The following FAM149B1 variants were observed in gnomAD, a reference collection of about 807,000 sequenced individuals.
The protein encoded by FAM149B1 is primary cilium assembly protein FAM149B1.
In FAM149B1, 56 loss-of-function variants were observed where a neutral mutation model predicts 75.3. The observed-to-expected ratio is 0.74, with a 90% CI of 0.60 to 0.93. FAM149B1 has a LOEUF of 0.93. FAM149B1 is among the 40% of genes least tolerant of loss of function. The pLI, the probability that FAM149B1 is intolerant of heterozygous loss-of-function variation, is 0.00. For synonymous variants in FAM149B1, 259 were observed against 256.1 expected (o/e 1.01, Z -0.11); for missense variants, 639 against 708.4 (o/e 0.90, Z 1.11).
intron 7 of FAM149B1, among the ~76,000 whole-genome samples, chr10:73,214,725 G>A (rs1034264380): frequency 6.6e-6 from 1 of 152,090 alleles, no homozygotes; most frequent in African/African-American, 2.4e-5. Context: ...GAGGGTTCTT[G>A]TCCATATGTT....
intron 1 of FAM149B1, among the ~76,000 whole-genome samples, chr10:73,169,520 C>T (rs1843614111): frequency 2.7e-5 from 4 of 150,022 alleles, no homozygotes; most frequent in African/African-American, 9.9e-5. Flanking sequence ...GGCAGTAGTG[C>T]AATCCTTGCT....
intron 10 of FAM149B1, 103 bp from the exon 11 acceptor site, chr10:73,234,714 A>C: frequency 2.4e-6 from 3 of 1,243,932 alleles, no homozygotes; most frequent in Non-Finnish European, 3.3e-6. Flanking sequence ...CTTTCTGTGC[A>C]CATTAAACTC....
In FAM149B1 at chr10:73,243,487, G is replaced by T; in HGVS notation, c.*2468G>T. Reference sequence around the variant, plus strand: ...TTGCTTCCATCTGAGCCAGAAAATTGTCCATTTCCTTTTGCCGATCCTTTT... The same window carrying T: ...TTGCTTCCATCTGAGCCAGAAAATTTTCCATTTCCTTTTGCCGATCCTTTT... On this transcript the variant is annotated 3_prime_UTR_variant, in exon 14 of 14. Transcript: ENST00000242505. 1 of 1,614,052 alleles carries T rather than the reference G, an allele frequency of 6.2e-7. No individual in the cohort carries two copies. The highest frequency in any genetic ancestry group is 1.1e-5 in the South Asian group (1 of 91,076).
intron 5 of FAM149B1, chr10:73,200,320 G>C (rs2042903310): frequency 2.4e-6 from 1 of 417,474 alleles, no homozygotes; most frequent in Non-Finnish European, 4.7e-6. Flanking sequence ...TGGGTGACAA[G>C]AGCGAAACTA....
At chr10:73,219,101 A>G (rs2043354527) in intron 7 of FAM149B1, among the ~76,000 whole-genome samples, 1 of 152,188 alleles carries the variant, frequency 6.6e-6, no homozygotes, top group African/African-American at 2.4e-5. Flanking sequence ...GCTTCTCAAA[A>G]TTCTTCCAAC....
At chr10:73,240,397 AC>A (rs2043914300) in intron 13 of FAM149B1, among the ~76,000 whole-genome samples, 1 of 152,194 alleles carries the variant, frequency 6.6e-6, no homozygotes, top group Non-Finnish European at 1.5e-5. Flanking sequence ...CATTTGAGCT[AC>A]AATTTCAGCC....
intron 2 of FAM149B1, among the ~76,000 whole-genome samples, chr10:73,176,762 C>T (rs1843982004): frequency 6.6e-6 from 1 of 152,104 alleles, no homozygotes; most frequent in Non-Finnish European, 1.5e-5. Flanking sequence ...CACGGTGGCT[C>T]ATGCCTGTAG....
At chr10:73,175,948 G>A (rs1387880907) in intron 2 of FAM149B1, among the ~76,000 whole-genome samples, 1 of 152,142 alleles carries the variant, frequency 6.6e-6, no homozygotes, top group African/African-American at 2.4e-5. Flanking sequence ...TCCATGGACT[G>A]TGCAGTGGGG....
rs562499863 is a variant in FAM149B1 at position 73,178,717 on chromosome 10, C to G, written c.282+742C>G. Among the ~76,000 whole-genome samples the G allele has an allele frequency of 5.4e-4, 82 of 152,224 alleles. 1 individual carries two copies. Among genetic ancestry groups the G allele is most frequent in the East Asian group, 1.3e-3 (7 of 5,192 alleles). On this transcript the variant is annotated intron_variant, in intron 3 of 13. Transcript: ENST00000242505. Reference sequence around the variant, plus strand: ...GTTATAAATCATATGTGTAGTGTCACTCTAATTTTGTTTTATATAAATTCT... The same window carrying G: ...GTTATAAATCATATGTGTAGTGTCAGTCTAATTTTGTTTTATATAAATTCT...
chr10:73,243,409 T>C lies in FAM149B1; in HGVS notation c.*2390T>C, dbSNP rs61758428. The C allele has an allele frequency of 2.1e-5, 34 of 1,613,812 alleles. No homozygotes were observed. Among genetic ancestry groups the C allele is most frequent in the Non-Finnish European group, 2.6e-5 (31 of 1,179,944 alleles). On this transcript the variant is annotated 3_prime_UTR_variant, in exon 14 of 14. Transcript: ENST00000242505. ...GAAGAGAAAAATTCCATTATTTCTT[T>C]TCTTTCTTGAGAGCAGATTTTTTCC...
At position 73,177,115 on chromosome 10, in the gene FAM149B1, A is replaced by T. The variant is rs369218830; in HGVS notation, c.153-731A>T. On this transcript the variant is annotated intron_variant, in intron 2 of 13. Coordinates refer to ENST00000242505, the MANE Select transcript of FAM149B1 (RefSeq NM_173348.2). ...GCTACTTGGGAAGCTAAAGTGGGAG[A>T]ATCACTTGAACCCAGGAGGCGGAGG... Among the ~76,000 whole-genome samples, 44 of 152,188 alleles carry T rather than the reference A, an allele frequency of 2.9e-4. No homozygotes were observed. In the East Asian group the frequency reaches 3.1e-3, roughly 11 times the overall value.
At position 73,168,377 on chromosome 10, in the gene FAM149B1, GC is replaced by G; in HGVS notation, c.39del (p.Leu14TrpfsTer3). On this transcript the variant is annotated frameshift_variant, in exon 1 of 14. Coordinates refer to ENST00000242505, the MANE Select transcript of FAM149B1 (RefSeq NM_173348.2). LOFTEE classifies it high-confidence loss of function. ...TACACTCGGAAGGCGGTGCCACAGA[GC>G]TTGGAGCTGTGAGTGGACTGCTCAG... is the stretch of plus-strand genomic sequence containing the variant. The part of the protein sequence containing the change: ...SRYTRKAVPQ[S>X]LELKGITKHA... 1 of 1,550,008 alleles carries G rather than the reference GC, an allele frequency of 6.5e-7. No homozygotes were observed. Among genetic ancestry groups the G allele is most frequent in the South Asian group, 1.2e-5 (1 of 83,984 alleles).
rs1391857172 is a variant in FAM149B1, at chr10:73,243,628, T to TC, written c.*2609_*2610insC. ...GGAATAACTACTAATGGGTATGGAG[T>TC]TTTTTTGGAATGGTGAAAATGTCCT... On this transcript the variant is annotated 3_prime_UTR_variant, in exon 14 of 14. Coordinates refer to ENST00000242505, the MANE Select transcript of FAM149B1 (RefSeq NM_173348.2). 1.9e-5 allele frequency: 27 copies of TC among 1,415,590 alleles called. No individual in the cohort carries two copies. Among genetic ancestry groups the TC allele is most frequent in the African/African-American group, 2.9e-5 (2 of 69,216 alleles). 87.7% of individuals were successfully genotyped at this position (1,415,590 alleles called of 1,614,324 possible).
intron 5 of FAM149B1, among the ~76,000 whole-genome samples, chr10:73,201,899 T>C (rs895064098): frequency 1.3e-5 from 2 of 151,692 alleles, no homozygotes; most frequent in Non-Finnish European, 2.9e-5. Flanking sequence ...GAGCGATGGC[T>C]CACACCTGTA....
Position 73,174,737 on chromosome 10 carries a change from T to G in FAM149B1, c.98T>G (p.Leu33Arg). 6.4e-7 allele frequency: 1 copy of G among 1,551,556 alleles called. No homozygotes were observed. Among genetic ancestry groups the G allele is most frequent in the Non-Finnish European group, 8.7e-7 (1 of 1,146,884 alleles). ...ALNHHPPPEK[L>R]EEISPTSDSH... Reference sequence around the variant, plus strand: ...AACCATCATCCCCCTCCAGAGAAGCTGGAGGAAATTTCCCCCACCAGTGAC... The same window carrying G: ...AACCATCATCCCCCTCCAGAGAAGCGGGAGGAAATTTCCCCCACCAGTGAC... The change falls in exon 2 of 14, where the codon CTG becomes CGG. Residue 33 changes from leucine (L) to arginine (R), a missense_variant. By Grantham distance (102) the Leu-to-Arg change is moderately radical. Transcript: ENST00000242505.
chr10:73,233,193 C>T, intron 10 of FAM149B1, 30 bp downstream of exon 10: 1 of 1,461,098 alleles, frequency 6.8e-7, no homozygotes, highest in Non-Finnish European at 9.4e-7. Flanking sequence ...CTTCTGGAAA[C>T]CGTGGTAAAA....
At chr10:73,227,960 G>T in intron 7 of FAM149B1, 100 bp from the exon 8 acceptor site, 1 of 1,232,802 alleles carries the variant, frequency 8.1e-7, no homozygotes, top group Non-Finnish European at 1.2e-6. Flanking sequence ...GTGAAGCCTT[G>T]TTTGAGATTA....
rs1843531476 is a variant in FAM149B1, at chr10:73,168,208, G to A, written c.-132G>A. 3.2e-6 allele frequency: 3 copies of A among 934,014 alleles called. No individual in the cohort carries two copies. The highest frequency in any genetic ancestry group is 1.7e-5 in the African/African-American group (1 of 57,332). The allele number at this position is 934,014 out of a possible 1,614,324, so 57.9% of individuals were successfully genotyped here. A position where few individuals can be genotyped will look rare whatever the true frequency, so the allele number is the denominator to read the frequency against. On this transcript the variant is annotated 5_prime_UTR_variant, in exon 1 of 14. Coordinates refer to ENST00000242505, the MANE Select transcript of FAM149B1 (RefSeq NM_173348.2). ...GGCTGCTCGGAGTCTAGGTGACGGG[G>A]CGAGACGGGGCCGGTAGGTGGCGGG...
intron 5 of FAM149B1, among the ~76,000 whole-genome samples, chr10:73,207,581 G>T (rs28815168): frequency 6.6e-6 from 1 of 151,082 alleles, no homozygotes; most frequent in African/African-American, 2.4e-5. Context: ...AGAAAAAAAA[G>T]AAAAAAAGAA....
Sources: allele counts gnomAD v4.1 joint callset (sites outside exome capture counted in the v4.1 genomes callset), GRCh38; gene constraint gnomAD v4.1.1; transcripts MANE v1.5; gene names NCBI Gene and HGNC (gene_info 2026-07-23, HGNC 2026-07-21).